MUC15: variants seen among roughly 807,000 people sequenced by gnomAD.
MUC15 encodes mucin 15, cell surface associated, also known as mucin-15.
MUC15 carries 23 observed loss-of-function variants against 24.0 expected under a neutral mutation model. The observed-to-expected ratio is 0.96, with a 90% CI of 0.69 to 1.36. The LOEUF is 1.36. Ranked by LOEUF, MUC15 falls within the 40% of genes most tolerant of loss-of-function variation. The pLI is 0.00. For missense variants in MUC15, 442 were observed against 428.2 expected (o/e 1.03, Z -0.29); for synonymous variants, 151 against 156.3 (o/e 0.97, Z 0.25).
intron 4 of MUC15, among the ~76,000 whole-genome samples, chr11:26,562,103 T>C (rs919634880): frequency 6.6e-6 from 1 of 151,928 alleles, no homozygotes; most frequent in African/African-American, 2.4e-5. Context: ...TATCAATTTT[T>C]GATAGATTGA....
chr11:26,568,755 C>T (rs1353140), intron 1 of MUC15, among the ~76,000 whole-genome samples: 5,078 of 152,094 alleles, frequency 0.033, 127 homozygotes, highest in Non-Finnish European at 0.054. Flanking sequence ...ATTGATGCCT[C>T]ACCTAGTGTG....
intron 2 of MUC15, 122 bp downstream of exon 2, chr11:26,566,930 A>G: frequency 1.2e-6 from 1 of 863,492 alleles, no homozygotes; most frequent in Non-Finnish European, 1.6e-6. Flanking sequence ...ACTCTAAACA[A>G]GATCTAGCCT....
intron 2 of MUC15, among the ~76,000 whole-genome samples, chr11:26,566,142 C>A (rs954330361): frequency 6.6e-6 from 1 of 151,894 alleles, no homozygotes; most frequent in African/African-American, 2.4e-5. Context: ...CCTCAAGCCA[C>A]ACACTGCTAT....
rs1438409360 is a variant in MUC15 at position 26,560,006 on chromosome 11, C to T, written c.*1059G>A. On this transcript the variant is annotated 3_prime_UTR_variant, in exon 5 of 5. Coordinates refer to ENST00000529533, the MANE Select transcript of MUC15 (RefSeq NM_001135091.2). ...AATCTCTAAAACCTAGACTTTCCTACATCAAGGAACATATTTTTTCTACCA... is the reference window on the plus strand; with the variant it reads ...AATCTCTAAAACCTAGACTTTCCTATATCAAGGAACATATTTTTTCTACCA... 1 of 381,064 alleles carries T rather than the reference C, an allele frequency of 2.6e-6. No homozygotes were observed. The highest frequency in any genetic ancestry group is 4.7e-6 in the Non-Finnish European group (1 of 213,360). 23.6% of individuals were successfully genotyped at this position (381,064 alleles called of 1,614,324 possible).
rs774622712 is a variant in MUC15, at chr11:26,565,674, A to T, written c.266T>A (p.Ile89Lys). Residue 89 changes from isoleucine (I) to lysine (K), a missense_variant, in exon 3 of 5, where the codon ATA (isoleucine) becomes AAA (lysine). By Grantham distance (102) the Ile-to-Lys change is moderately radical. Transcript: ENST00000529533. ...ACTCGCCTTGAGATTTGAGGTGGTT[A>T]TATTTTCTTTATCTGAGTTTAAGTT... ...EANLNSDKEN[I>K]TTSNLKASHS... 1 of 1,606,148 alleles carries T rather than the reference A, an allele frequency of 6.2e-7. No homozygotes were observed. The highest frequency in any genetic ancestry group is 1.7e-5 in the Admixed American group (1 of 59,370).
At chr11:26,563,026 G>T in intron 4 of MUC15, 90 bp downstream of exon 4, 2 of 1,487,354 alleles carry the variant, frequency 1.3e-6, no homozygotes, top group East Asian at 2.3e-5. Context: ...AATTCTTTTG[G>T]AATTACCTTC....
chr11:26,561,159 G>A lies in MUC15; in HGVS notation c.992C>T (p.Pro331Leu), dbSNP rs779278615. The A allele has an allele frequency of 1.2e-6, 2 of 1,612,548 alleles. No individual in the cohort carries two copies. Among genetic ancestry groups the A allele is most frequent in the South Asian group, 1.1e-5 (1 of 90,934 alleles). The change falls in exon 5 of 5, where the codon CCA becomes CTA. Residue 331 changes from proline (P) to leucine (L), a missense_variant. By Grantham distance (98) the Pro-to-Leu change is moderately conservative. Coordinates refer to ENST00000529533, the MANE Select transcript of MUC15 (RefSeq NM_001135091.2). ...VSFGNSSYYNPTLNDSAMPES... is the reference protein window; with the variant it reads ...VSFGNSSYYNLTLNDSAMPES... ...TGGCATGGCTGAATCATTCAAAGTT[G>A]GATTGTAGTAGCTAGAATTCCCAAA...
rs1371995413 is a variant in MUC15 at position 26,559,363 on chromosome 11, T to G, written c.*1702A>C. ...TGCTAACAGGAATTGCAACTAGGAATGCCTCACCTGAAAAACTAATTTCAT... is the reference window on the plus strand; with the variant it reads ...TGCTAACAGGAATTGCAACTAGGAAGGCCTCACCTGAAAAACTAATTTCAT... On this transcript the variant is annotated 3_prime_UTR_variant, in exon 5 of 5. Transcript: ENST00000529533. 1 of 176,594 alleles carries G rather than the reference T, an allele frequency of 5.7e-6. No homozygotes were observed. Among genetic ancestry groups the G allele is most frequent in the Non-Finnish European group, 1.2e-5 (1 of 83,258 alleles). 10.9% of individuals were successfully genotyped at this position (176,594 alleles called of 1,614,324 possible). A position where few individuals can be genotyped will look rare whatever the true frequency, so the allele number is the denominator to read the frequency against.
Position 26,559,182 on chromosome 11 carries a change from C to CT in MUC15, c.*1882dup, listed in dbSNP as rs1850183479. 6.6e-6 allele frequency: 1 copy of CT among 152,156 alleles called. No individual in the cohort carries two copies. The highest frequency in any genetic ancestry group is 1.5e-5 in the Non-Finnish European group (1 of 68,092). The allele number at this position is 152,156 out of a possible 1,614,324, so 9.4% of individuals were successfully genotyped here. A position where few individuals can be genotyped will look rare whatever the true frequency, so the allele number is the denominator to read the frequency against. On this transcript the variant is annotated 3_prime_UTR_variant, in exon 5 of 5. Coordinates refer to ENST00000529533, the MANE Select transcript of MUC15 (RefSeq NM_001135091.2). ...CATAAGTGTTCAGTGATTTATGAAA[C>CT]TTTTAAAACAAATTAAGATGGGATT...
At position 26,560,879 on chromosome 11, in the gene MUC15, T is replaced by C. The variant is rs576675632; in HGVS notation, c.*186A>G. 7.5e-6 allele frequency: 4 copies of C among 534,308 alleles called. No individual in the cohort carries two copies. The South Asian group carries it at 9.6e-5, about 13-fold the overall frequency. The allele number at this position is 534,308 out of a possible 1,614,324, so 33.1% of individuals were successfully genotyped here. A position where few individuals can be genotyped will look rare whatever the true frequency, so the allele number is the denominator to read the frequency against. The stretch of plus-strand genomic sequence containing the variant: ...GTAAATGCCTCAGGATGGCCAAAAA[T>C]TGTAAGAAAGAAAACCTTTGGATGA... On this transcript the variant is annotated 3_prime_UTR_variant, in exon 5 of 5. Coordinates refer to ENST00000529533, the MANE Select transcript of MUC15 (RefSeq NM_001135091.2).
chr11:26,565,655 C>T lies in MUC15; in HGVS notation c.285G>A (p.Lys95=), dbSNP rs1028670395. ...GATTCAAAGGAGGGGAATGACTCGC[C>T]TTGAGATTTGAGGTGGTTATATTTT... ...DKENITTSNL[K]ASHSPPLNLP... The change falls in exon 3 of 5, where the codon AAG becomes AAA. Residue 95 remains lysine, a synonymous_variant. Transcript: ENST00000529533. 1.9e-6 allele frequency: 3 copies of T among 1,607,848 alleles called. No individual in the cohort carries two copies. Among genetic ancestry groups the T allele is most frequent in the African/African-American group, 1.3e-5 (1 of 74,412 alleles).
intron 2 of MUC15, among the ~76,000 whole-genome samples, chr11:26,566,562 A>T (rs293978): frequency 0.74 from 112,817 of 151,632 alleles, 42,214 homozygotes; most frequent in Admixed American, 0.8. Context: ...ACTTAATCCC[A>T]AACTGGGGAG....
At chr11:26,566,199 A>G (rs1338452378) in intron 2 of MUC15, among the ~76,000 whole-genome samples, 2 of 151,752 alleles carry the variant, frequency 1.3e-5, no homozygotes, top group African/African-American at 4.8e-5. Context: ...AACCATAAAA[A>G]CCCACCCACT....
At chr11:26,566,627 T>C (rs1444828345) in intron 2 of MUC15, among the ~76,000 whole-genome samples, 2 of 151,858 alleles carry the variant, frequency 1.3e-5, no homozygotes, top group Non-Finnish European at 2.9e-5. Flanking sequence ...TCTTATTTTA[T>C]AAAAGAAGAA....
At chr11:26,570,502 A>C (rs140725615) in intron 1 of MUC15, among the ~76,000 whole-genome samples, 21 of 152,284 alleles carry the variant, frequency 1.4e-4, no homozygotes, top group African/African-American at 5.1e-4. Context: ...TAATTAACCC[A>C]TATAAGGGCA....
chr11:26,566,023 C>A, intron 2 of MUC15, 127 bp from the exon 3 acceptor site: 1 of 1,024,918 alleles, frequency 9.8e-7, no homozygotes, highest in Non-Finnish European at 1.3e-6. Flanking sequence ...TATTTTTATT[C>A]CAAAATTGCT....
intron 3 of MUC15, among the ~76,000 whole-genome samples, chr11:26,564,730 CACATATATATATATATATAT>C (rs1215928010): frequency 1.2e-3 from 28 of 24,008 alleles, no homozygotes; most frequent in African/African-American, 3.9e-3. Context: ...CACACACACA[CACATATATATATATATATAT>C]ATATATATAT....
At chr11:26,563,535 A>G (rs1259268851) in intron 3 of MUC15, among the ~76,000 whole-genome samples, 3 of 151,794 alleles carry the variant, frequency 2.0e-5, no homozygotes, top group Non-Finnish European at 4.4e-5. Context: ...TTAGCTCTAT[A>G]GCCGTGTCTT....
Position 26,568,275 on chromosome 11 carries a change from T to C in MUC15, c.-45-1136A>G, listed in dbSNP as rs1850675411. The stretch of plus-strand genomic sequence containing the variant: ...GAAGAAGGGCTTATTAATCCCACTT[T>C]ACAGATGATTAAGTGGGACATAAAT... On this transcript the variant is annotated intron_variant, in intron 1 of 4. Transcript: ENST00000529533. Among the ~76,000 whole-genome samples the C allele has an allele frequency of 3.3e-5, 5 of 152,078 alleles. No homozygotes were observed. The South Asian group carries it at 1.0e-3, about 31-fold the overall frequency.
Sources: allele counts gnomAD v4.1 joint callset (sites outside exome capture counted in the v4.1 genomes callset), GRCh38; gene constraint gnomAD v4.1.1; transcripts MANE v1.5; gene names NCBI Gene and HGNC (gene_info 2026-07-23, HGNC 2026-07-21).